The following NT5DC3 variants were observed in gnomAD, a reference collection of about 807,000 sequenced individuals.
NT5DC3 encodes 5'-nucleotidase domain-containing protein 3.
Under a neutral mutation model 67.8 loss-of-function variants are expected in NT5DC3, and 42 were observed. That is an observed-to-expected ratio of 0.62 (90% CI 0.48 to 0.80). The LOEUF (loss-of-function observed/expected upper bound fraction) is 0.80, where lower values mean the gene tolerates loss of function less well. Among genes scored for constraint, NT5DC3 ranks in the 30% least tolerant of loss-of-function variants. The pLI is 0.00. For missense variants in NT5DC3, 570 were observed against 696.4 expected (o/e 0.82, Z 2.04); for synonymous variants, 237 against 255.6 (o/e 0.93, Z 0.69).
the NT5DC3 span, among the ~76,000 whole-genome samples, chr12:103,749,872 A>AAAAAAAAAAG: frequency 2.3e-5 from 3 of 131,480 alleles, no homozygotes; most frequent in Non-Finnish European, 4.8e-5. Context: ...AAAAAAAAAA[A>AAAAAAAAAAG]GCTGGTAAGA....
the NT5DC3 span, among the ~76,000 whole-genome samples, chr12:103,752,362 C>T: frequency 1.3e-5 from 2 of 152,204 alleles, no homozygotes; most frequent in Middle Eastern, 3.2e-3. Context: ...GACTTACGCA[C>T]TGTGCTACTG....
At chr12:103,839,795 T>G (rs898991121) in intron 1 of NT5DC3, among the ~76,000 whole-genome samples, 1 of 152,220 alleles carries the variant, frequency 6.6e-6, no homozygotes, top group African/African-American at 2.4e-5. Context: ...TTTCATAGAA[T>G]TCTGCATTGC....
chr12:103,840,972 C>CGGTAGCGCTCCCACA lies in NT5DC3; in HGVS notation c.170_184dup (p.Leu57_Tyr61dup). On this transcript the variant is annotated inframe_insertion, in exon 1 of 14. Coordinates refer to ENST00000392876, the MANE Select transcript of NT5DC3 (RefSeq NM_001031701.3). ...ACCTTCTGTGCTTCTCTTCGCCTCC[C>CGGTAGCGCTCCCACA]GGTAGCGCTCCCACAGGTAGCGCTT... 7.4e-7 allele frequency: 1 copy of CGGTAGCGCTCCCACA among 1,343,222 alleles called. No individual in the cohort carries two copies. Among genetic ancestry groups the CGGTAGCGCTCCCACA allele is most frequent in the Non-Finnish European group, 9.6e-7 (1 of 1,041,986 alleles). The allele number at this position is 1,343,222 out of a possible 1,614,324, so 83.2% of individuals were successfully genotyped here. A position where few individuals can be genotyped will look rare whatever the true frequency, so the allele number is the denominator to read the frequency against.
the NT5DC3 span, chr12:103,763,807 G>A: frequency 1.8e-5 from 9 of 509,778 alleles, no homozygotes; most frequent in East Asian, 2.9e-4. Flanking sequence ...CTCTTGGGTA[G>A]ACAGCAGAAT....
At chr12:103,796,453 G>T (rs1886319781) in intron 6 of NT5DC3, among the ~76,000 whole-genome samples, 2 of 152,300 alleles carry the variant, frequency 1.3e-5, no homozygotes, top group South Asian at 4.1e-4. Context: ...GGAGGCCCGG[G>T]AGGCAGAGGT....
At chr12:103,809,067 G>T (rs1452005138) in intron 2 of NT5DC3, among the ~76,000 whole-genome samples, 1 of 152,154 alleles carries the variant, frequency 6.6e-6, no homozygotes, top group Non-Finnish European at 1.5e-5. Context: ...TTGAACCCAG[G>T]TCTGTGTCAC....
intron 4 of NT5DC3, among the ~76,000 whole-genome samples, chr12:103,806,003 C>T (rs1021031189): frequency 6.6e-6 from 1 of 152,072 alleles, no homozygotes; most frequent in African/African-American, 2.4e-5. Context: ...TCTGGAAAAC[C>T]AGTCCTTCCT....
the NT5DC3 span, among the ~76,000 whole-genome samples, chr12:103,753,644 G>T: frequency 6.6e-6 from 1 of 152,222 alleles, no homozygotes; most frequent in African/African-American, 2.4e-5. Flanking sequence ...GGCTTAGAAA[G>T]TTTAAGTACA....
chr12:103,807,809 G>T (rs1466613507), intron 2 of NT5DC3, among the ~76,000 whole-genome samples: 1 of 152,106 alleles, frequency 6.6e-6, no homozygotes, highest in African/African-American at 2.4e-5. Context: ...GAGATCTGAT[G>T]GTTTTATATT....
intron 13 of NT5DC3, among the ~76,000 whole-genome samples, chr12:103,778,616 G>T (rs528922415): frequency 6.6e-6 from 1 of 152,192 alleles, no homozygotes; most frequent in South Asian, 2.1e-4. Flanking sequence ...ACCAGCATGG[G>T]CAACATAGTG....
At chr12:103,798,992 T>G (rs1441663472) in intron 4 of NT5DC3, among the ~76,000 whole-genome samples, 1 of 152,182 alleles carries the variant, frequency 6.6e-6, no homozygotes, top group Non-Finnish European at 1.5e-5. Context: ...CCATTATTCT[T>G]CCCATTTCCA....
intron 7 of NT5DC3, 93 bp downstream of exon 7, chr12:103,793,844 G>C (rs889917968): frequency 1.9e-6 from 2 of 1,034,808 alleles, no homozygotes; most frequent in African/African-American, 3.1e-5. Flanking sequence ...TGCAGCCTCT[G>C]CTTAGCACCT....
intron 2 of NT5DC3, among the ~76,000 whole-genome samples, chr12:103,814,622 G>A (rs1038455191): frequency 3.3e-5 from 5 of 152,174 alleles, no homozygotes; most frequent in African/African-American, 7.2e-5. Context: ...GAATTCAACA[G>A]GCAGGCTGCC....
At chr12:103,840,309 C>T (rs968287047) in intron 1 of NT5DC3, among the ~76,000 whole-genome samples, 2 of 152,134 alleles carry the variant, frequency 1.3e-5, no homozygotes, top group Non-Finnish European at 2.9e-5. Context: ...GAATCCCCTC[C>T]TCACCGAGGT....
downstream of NT5DC3, among the ~76,000 whole-genome samples, chr12:103,765,702 C>T (rs929802515): frequency 2.0e-4 from 31 of 152,068 alleles, 1 homozygote; most frequent in Admixed American, 2.0e-3. Context: ...AGGCATGTGC[C>T]ACCTAATTTT....
At chr12:103,800,412 A>T (rs1886516873) in intron 4 of NT5DC3, among the ~76,000 whole-genome samples, 1 of 152,264 alleles carries the variant, frequency 6.6e-6, no homozygotes, top group South Asian at 2.1e-4. Flanking sequence ...GAGTAGCAGC[A>T]GTCATGTGTC....
intron 1 of NT5DC3, among the ~76,000 whole-genome samples, chr12:103,827,291 T>C (rs1364058230): frequency 6.6e-6 from 1 of 152,120 alleles, no homozygotes; most frequent in Non-Finnish European, 1.5e-5. Context: ...ATTAAATGAA[T>C]CAATAAATAC....
the NT5DC3 span, among the ~76,000 whole-genome samples, chr12:103,759,437 A>G: frequency 1.3e-5 from 2 of 152,224 alleles, no homozygotes; most frequent in African/African-American, 4.8e-5. Context: ...CACACTGACA[A>G]TTGGGCAGCC....
chr12:103,765,812 G>C (rs1884909375), downstream of NT5DC3, among the ~76,000 whole-genome samples: 1 of 152,210 alleles, frequency 6.6e-6, no homozygotes. Context: ...GAAGTGCTGG[G>C]ATTACAGGCG....
Sources: gnomAD v4.1 joint callset for allele counts (sites outside exome capture counted in the v4.1 genomes callset) on GRCh38, gnomAD v4.1.1 for gene constraint, MANE v1.5 for transcripts, NCBI Gene and HGNC (gene_info 2026-07-23, HGNC 2026-07-21) for gene names.